MASP1: variants seen among roughly 807,000 people sequenced by gnomAD.
MASP1 encodes the protein MBL associated serine protease 1, also known as mannan-binding lectin serine protease 1.
Under a neutral mutation model 77.1 loss-of-function variants are expected in MASP1, and 59 were observed. The ratio of observed to expected loss-of-function variants is 0.77; its 90% confidence interval spans 0.62 to 0.95. MASP1 has a LOEUF of 0.95. Ranked by LOEUF, MASP1 falls within the 40% of genes least tolerant of loss-of-function variation. MASP1 has a pLI of 0.00. For missense variants in MASP1, 885 were observed against 912.9 expected (o/e 0.97, Z 0.39); for synonymous variants, 362 against 354.5 (o/e 1.02, Z -0.24).
intron 2 of MASP1, among the ~76,000 whole-genome samples, chr3:187,279,307 G>A (rs758047063): frequency 1.3e-5 from 2 of 152,178 alleles, no homozygotes; most frequent in Admixed American, 6.5e-5. Flanking sequence ...AGAATGGTGG[G>A]GACCCTACCC....
At chr3:187,288,067 G>A (rs886442185) in intron 1 of MASP1, among the ~76,000 whole-genome samples, 7 of 152,138 alleles carry the variant, frequency 4.6e-5, no homozygotes, top group African/African-American at 7.2e-5. Context: ...GTTTACATTT[G>A]TCAAGAAGGA....
In MASP1 at chr3:187,291,710, G is replaced by C. The variant is rs770977801; in HGVS notation, c.-78C>G. The C allele has an allele frequency of 1.0e-5, 16 of 1,565,216 alleles. No homozygotes were observed. Among genetic ancestry groups the C allele is most frequent in the Non-Finnish European group, 1.4e-5 (16 of 1,135,610 alleles). ...TTGCCTGTGAGCTCGTGCCCGGTGT[G>C]GTGTCCGTGATGCCTTATCTTTGTT... is the stretch of plus-strand genomic sequence containing the variant. On this transcript the variant is annotated 5_prime_UTR_variant, in exon 1 of 11. Transcript: ENST00000296280.
chr3:187,290,670 A>G (rs1718238558), intron 1 of MASP1, among the ~76,000 whole-genome samples: 1 of 152,226 alleles, frequency 6.6e-6, no homozygotes, highest in Non-Finnish European at 1.5e-5. Context: ...AAAAGTTGCT[A>G]GGTTACTTTG....
Position 187,241,527 on chromosome 3 carries a change from G to C in MASP1, c.1257C>G (p.Val419=), listed in dbSNP as rs771144022. 2.5e-6 allele frequency: 4 copies of C among 1,613,716 alleles called. No homozygotes were observed. The highest frequency in any genetic ancestry group is 3.4e-6 in the Non-Finnish European group (4 of 1,179,676). The change falls in exon 10 of 11, where the codon GTC becomes GTG. Residue 419 remains valine (V), a synonymous_variant. Transcript: ENST00000296280. ...TTCTCCCCAATACTTTATTCATCCA[G>C]ACTCCTTGGGCAGAACAGGTATATA... ...TGIYTCSAQG[V]WMNKVLGRSL...
In MASP1 at chr3:187,262,649, G is replaced by A. The variant is rs1715692651; in HGVS notation, c.309C>T (p.Gly103=). Reference sequence around the variant, plus strand: ...AGCCAGGGGAGAGGACCACCTCCTGGCCGGGAGTCTGCTCTGTGTCTGTGG... The same window carrying A: ...AGCCAGGGGAGAGGACCACCTCCTGACCGGGAGTCTGCTCTGTGTCTGTGG... ...RETTDTEQTP[G]QEVVLSPGSF... is the part of the protein sequence containing the mutation. The change falls in exon 3 of 11, where the codon GGC becomes GGT. Residue 103 remains glycine, a synonymous_variant. Coordinates refer to ENST00000296280, the MANE Select transcript of MASP1 (RefSeq NM_139125.4). 6.2e-7 allele frequency: 1 copy of A among 1,614,014 alleles called. No homozygotes were observed. The highest frequency in any genetic ancestry group is 1.3e-5 in the African/African-American group (1 of 74,922).
chr3:187,257,582 G>A (rs532912565), intron 4 of MASP1, among the ~76,000 whole-genome samples: 26 of 152,142 alleles, frequency 1.7e-4, no homozygotes, highest in African/African-American at 6.3e-4. Flanking sequence ...ATGGGGTCTT[G>A]CTATGTTGCC....
At chr3:187,268,071 G>C (rs1716191687) in intron 2 of MASP1, among the ~76,000 whole-genome samples, 1 of 152,202 alleles carries the variant, frequency 6.6e-6, no homozygotes, top group Non-Finnish European at 1.5e-5. Flanking sequence ...TGGCTAGCAA[G>C]TAAATTCTAG....
At position 187,235,455 on chromosome 3, in the gene MASP1, G is replaced by T. The variant is rs1372299188; in HGVS notation, c.*229C>A. Reference sequence around the variant, plus strand: ...GTATTACTCGGTAGAGTGAGGCCCAGACAGGGAAAGAGACTTGGACAAGCT... The same window carrying T: ...GTATTACTCGGTAGAGTGAGGCCCATACAGGGAAAGAGACTTGGACAAGCT... On this transcript the variant is annotated 3_prime_UTR_variant, in exon 11 of 11. Transcript: ENST00000296280. The T allele has an allele frequency of 6.6e-7, 1 of 1,515,020 alleles. No individual in the cohort carries two copies. Among genetic ancestry groups the T allele is most frequent in the African/African-American group, 1.4e-5 (1 of 72,648 alleles). 93.8% of individuals were successfully genotyped at this position (1,515,020 alleles called of 1,614,324 possible).
chr3:187,229,624 G>A (rs762294896), downstream of MASP1: 22 of 1,187,998 alleles, frequency 1.9e-5, no homozygotes, highest in Admixed American at 4.1e-5. Context: ...CAGTCTAGCC[G>A]AGAACTCTTT....
Position 187,243,304 on chromosome 3 carries a change from A to G in MASP1, c.1228+180T>C, listed in dbSNP as rs538328194. On this transcript the variant is annotated intron_variant, in intron 9 of 10. Coordinates refer to ENST00000296280, the MANE Select transcript of MASP1 (RefSeq NM_139125.4). ...ACTGTTTCTGCATCTCCACATGGACACAGTAACACAAGCTCATGAAAAGTG... is the reference window on the plus strand; with the variant it reads ...ACTGTTTCTGCATCTCCACATGGACGCAGTAACACAAGCTCATGAAAAGTG... The G allele has an allele frequency of 1.2e-5, 8 of 691,024 alleles. No individual in the cohort carries two copies. The East Asian group carries it at 1.9e-4, about 16-fold the overall frequency. The allele number at this position is 691,024 out of a possible 1,614,324, so 42.8% of individuals were successfully genotyped here. A position where few individuals can be genotyped will look rare whatever the true frequency, so the allele number is the denominator to read the frequency against.
intron 1 of MASP1, among the ~76,000 whole-genome samples, chr3:187,290,324 G>A (rs1291690953): frequency 6.6e-6 from 1 of 152,122 alleles, no homozygotes; most frequent in South Asian, 2.1e-4. Flanking sequence ...AAAGAAGAAG[G>A]TTGCTCCAGG....
chr3:187,254,655 C>CA (rs1048633768), intron 5 of MASP1, among the ~76,000 whole-genome samples: 6 of 151,284 alleles, frequency 4.0e-5, no homozygotes, highest in Non-Finnish European at 5.9e-5. Flanking sequence ...AGAGTGGAAG[C>CA]AAAAAAACAA....
At chr3:187,262,418 G>T in intron 3 of MASP1, 125 bp downstream of exon 3, 4 of 891,542 alleles carry the variant, frequency 4.5e-6, no homozygotes, top group Non-Finnish European at 7.4e-6. Context: ...AATGCATTAA[G>T]ACATTAATGG....
At chr3:187,278,281 C>T (rs527506462) in intron 2 of MASP1, among the ~76,000 whole-genome samples, 10 of 152,330 alleles carry the variant, frequency 6.6e-5, no homozygotes, top group East Asian at 1.9e-4. Context: ...AGCACAACTG[C>T]GTTTTGCAGT....
At chr3:187,287,322 C>T (rs892190688) in intron 1 of MASP1, among the ~76,000 whole-genome samples, 1 of 152,168 alleles carries the variant, frequency 6.6e-6, no homozygotes. Flanking sequence ...ATTGCATGTG[C>T]CCTGCTCACT....
rs28945073 is a variant in MASP1, at chr3:187,225,492, G to A, written c.1573C>T (p.Arg525Trp). ...AGATGCTGTTCATTTTCATCTGACCGGAGCCTCCAATGCTTGCCTGGGCAA... is the reference window on the plus strand; with the variant it reads ...AGATGCTGTTCATTTTCATCTGACCAGAGCCTCCAATGCTTGCCTGGGCAA... The change falls in exon 13 of 16, where the codon CGG becomes TGG. Residue 525 changes from arginine to tryptophan, a missense_variant. Arg to Trp is a moderately radical substitution (Grantham distance 101, BLOSUM62 -3). Coordinates refer to the MASP1 transcript ENST00000337774. 597 of 1,614,080 alleles carry A rather than the reference G, an allele frequency of 3.7e-4. 8 individuals are homozygous for A. Among genetic ancestry groups the A allele is most frequent in the South Asian group, 2.7e-3 (249 of 91,058 alleles).
intron 2 of MASP1, among the ~76,000 whole-genome samples, chr3:187,280,322 G>C (rs1165614398): frequency 5.3e-5 from 8 of 152,232 alleles, no homozygotes; most frequent in African/African-American, 1.9e-4. Flanking sequence ...ACATGTCACA[G>C]ATGCTATTAA....
intron 2 of MASP1, chr3:187,262,951 A>G (rs1372265000): frequency 1.9e-6 from 1 of 515,402 alleles, no homozygotes; most frequent in Admixed American, 3.5e-5. Flanking sequence ...GTAGCTTGAT[A>G]TTTGTTGTTG....
At chr3:187,223,003 C>T in intron 14 of MASP1, 1 of 809,394 alleles carries the variant, frequency 1.2e-6, no homozygotes, top group Non-Finnish European at 2.1e-6. Flanking sequence ...TGGGTCTGGG[C>T]TCCTAGTTTC....
Sources: gnomAD v4.1 joint callset for allele counts (sites outside exome capture counted in the v4.1 genomes callset) on GRCh38, gnomAD v4.1.1 for gene constraint, MANE v1.5 for transcripts, NCBI Gene and HGNC (gene_info 2026-07-23, HGNC 2026-07-21) for gene names.